Variants in RNF212 observed in about 807,000 individuals in gnomAD.
The protein encoded by RNF212 is probable E3 SUMO-protein ligase RNF212.
RNF212 carries 33 observed loss-of-function variants against 34.7 expected under a neutral mutation model. The observed-to-expected ratio is 0.95, with a 90% CI of 0.72 to 1.27. The LOEUF is 1.27. Among genes scored for constraint, RNF212 ranks in the 50% most tolerant of loss-of-function variants. RNF212 has a pLI of 0.00. For missense variants in RNF212, 377 were observed against 362.2 expected, an observed-to-expected ratio of 1.04 and a Z score of -0.33; for synonymous variants, 140 against 136.1, an observed-to-expected ratio of 1.03 and a Z score of -0.20.
chr4:1,082,219 G>GT (rs1720469601), intron 5 of RNF212, among the ~76,000 whole-genome samples: 1 of 152,172 alleles, frequency 6.6e-6, no homozygotes, highest in Admixed American at 6.5e-5. Flanking sequence ...ACTTGGTCAC[G>GT]TTTTCCAGTC....
intron 6 of RNF212, 30 bp from the exon 7 acceptor site, chr4:1,081,497 T>A: frequency 6.2e-7 from 1 of 1,612,256 alleles, no homozygotes; most frequent in Non-Finnish European, 8.5e-7. Context: ...AATGCCAGCG[T>A]CAGTGCACAC....
In RNF212 at chr4:1,096,855, A is replaced by G; in HGVS notation, c.172-16T>C. On this transcript the variant is annotated splice_polypyrimidine_tract_variant and intron_variant, in intron 2 of 9. Transcript: ENST00000433731. ...CTGCGTCGGTCTGAAAGAGAAAGAAATGACTCTACATTTATTGTGTCTAAT... is the reference window on the plus strand; with the variant it reads ...CTGCGTCGGTCTGAAAGAGAAAGAAGTGACTCTACATTTATTGTGTCTAAT... The G allele has an allele frequency of 6.4e-7, 1 of 1,564,818 alleles. No homozygotes were observed.
chr4:1,063,495 G>A (rs1424063566), intron 3 of RNF212, among the ~76,000 whole-genome samples: 1 of 152,066 alleles, frequency 6.6e-6, no homozygotes. Flanking sequence ...CAGATCACCT[G>A]AGGTCAGGAG....
intron 1 of RNF212, among the ~76,000 whole-genome samples, chr4:1,112,827 C>T (rs10050240): frequency 0.044 from 3,840 of 88,124 alleles, 120 homozygotes; most frequent in African/African-American, 0.064. Context: ...CCCCCCCAAG[C>T]CTTGACCCCC....
At position 1,081,428 on chromosome 4, in the gene RNF212, G is replaced by T. The variant is rs149485506; in HGVS notation, c.455C>A (p.Ala152Asp). The change falls in exon 7 of 10, where the codon GCC becomes GAC. Residue 152 changes from alanine to aspartate, a missense_variant. Ala to Asp is a moderately radical substitution (Grantham distance 126). Transcript: ENST00000433731. Reference protein sequence around the residue: ...HGCLLPPHSSAPDRLESMEVD... With the variant: ...HGCLLPPHSSDPDRLESMEVD... ...CAAGCAACCCACACACCTGTCGGGG[G>T]CTGATGAGTGAGGTGGCAGCAGGCA... The T allele has an allele frequency of 1.1e-5, 17 of 1,613,778 alleles. No homozygotes were observed. In the South Asian group the frequency reaches 1.6e-4, roughly 16 times the overall value.
intron 5 of RNF212, among the ~76,000 whole-genome samples, chr4:1,084,355 C>A (rs958200651): frequency 6.6e-6 from 1 of 152,194 alleles, no homozygotes; most frequent in African/African-American, 2.4e-5. Context: ...GGAGGCTTTG[C>A]TGTCCACATA....
chr4:1,085,504 G>A (rs781096315), intron 5 of RNF212, among the ~76,000 whole-genome samples: 2 of 152,090 alleles, frequency 1.3e-5, no homozygotes, highest in African/African-American at 4.8e-5. Flanking sequence ...TTTCGCAAAC[G>A]GCTACGACTC....
rs1277549265 is a variant in RNF212 at position 1,080,429 on chromosome 4, TCA to T, written c.465-743_465-742del. Among the ~76,000 whole-genome samples the T allele has an allele frequency of 2.0e-5, 3 of 152,136 alleles. No individual in the cohort carries two copies. In the East Asian group the frequency reaches 5.8e-4, roughly 29 times the overall value. On this transcript the variant is annotated intron_variant, in intron 7 of 9. Coordinates refer to ENST00000433731, the MANE Select transcript of RNF212 (RefSeq NM_001131034.4). ...CAGTTCTCCACCCGCTCCCAGTGTC[TCA>T]GAGTGGTCCATCCGGACACTTGCCT... is the stretch of plus-strand genomic sequence containing the variant.
intron 5 of RNF212, among the ~76,000 whole-genome samples, chr4:1,084,585 CTG>C (rs1341983086): frequency 6.6e-6 from 1 of 151,882 alleles, no homozygotes; most frequent in Non-Finnish European, 1.5e-5. Flanking sequence ...AAAAAATTAG[CTG>C]TGTGTGGTGG....
chr4:1,093,740 T>C, intron 3 of RNF212: 1 of 1,536,272 alleles, frequency 6.5e-7, no homozygotes, highest in Non-Finnish European at 8.7e-7. Flanking sequence ...CTCAAGCAAC[T>C]TCTGGCCCCA....
intron 3 of RNF212, among the ~76,000 whole-genome samples, chr4:1,064,952 C>T (rs1200657541): frequency 6.6e-6 from 1 of 152,218 alleles, no homozygotes; most frequent in Non-Finnish European, 1.5e-5. Flanking sequence ...TGTTCATCCA[C>T]GCGGTAGCGT....
intron 3 of RNF212, among the ~76,000 whole-genome samples, chr4:1,062,511 G>A (rs569508470): frequency 2.9e-4 from 44 of 152,234 alleles, no homozygotes; most frequent in Admixed American, 5.2e-4. Context: ...CCTATAAAGG[G>A]CGCCTCCAGG....
intron 2 of RNF212, among the ~76,000 whole-genome samples, chr4:1,099,312 T>A (rs589660): frequency 6.6e-6 from 1 of 152,120 alleles, no homozygotes; most frequent in East Asian, 1.9e-4. Flanking sequence ...AGCCCAGCAC[T>A]AAAATAAATA....
At chr4:1,085,625 C>T (rs1721040409) in intron 5 of RNF212, 4 of 542,408 alleles carry the variant, frequency 7.4e-6, no homozygotes, top group Middle Eastern at 4.9e-4. Context: ...CTGCTGCTCT[C>T]CCAGGCCCCT....
intron 5 of RNF212, 49 bp from the exon 6 acceptor site, chr4:1,081,668 C>G: frequency 7.7e-7 from 1 of 1,306,786 alleles, no homozygotes; most frequent in Non-Finnish European, 1.1e-6. Flanking sequence ...AAACTGACTT[C>G]CCCCCAGGTC....
chr4:1,069,024 A>G (rs1444839602), downstream of RNF212, among the ~76,000 whole-genome samples: 1 of 152,184 alleles, frequency 6.6e-6, no homozygotes, highest in Non-Finnish European at 1.5e-5. Flanking sequence ...CATGGGCAAC[A>G]TGGCGAAACT....
At chr4:1,093,987 G>A (rs1466093691) in intron 3 of RNF212, 10 of 1,535,844 alleles carry the variant, frequency 6.5e-6, no homozygotes, top group Non-Finnish European at 6.1e-6. Flanking sequence ...AACTTGAGAC[G>A]GCAACAGCCT....
chr4:1,102,506 T>TA (rs1464001592), intron 2 of RNF212, among the ~76,000 whole-genome samples: 1 of 151,650 alleles, frequency 6.6e-6, no homozygotes, highest in Non-Finnish European at 1.5e-5. Context: ...ACAGTACTAA[T>TA]AAAAATCACT....
At chr4:1,068,215 T>C (rs909985214), downstream of RNF212, among the ~76,000 whole-genome samples, 2 of 152,358 alleles carry the variant, frequency 1.3e-5, no homozygotes, top group Non-Finnish European at 2.9e-5. Flanking sequence ...CAAAACTTAC[T>C]GTAAAGCAAA....
Sources: allele counts gnomAD v4.1 joint callset (sites outside exome capture counted in the v4.1 genomes callset), GRCh38; gene constraint gnomAD v4.1.1; transcripts MANE v1.5; gene names NCBI Gene and HGNC (gene_info 2026-07-23, HGNC 2026-07-21).